RBFOX1: variants seen among roughly 807,000 people sequenced by gnomAD.
The protein encoded by RBFOX1 is RNA binding protein fox-1 homolog 1.
In RBFOX1, 8 loss-of-function variants were observed where a neutral mutation model predicts 57.7. The observed-to-expected ratio is 0.14, with a 90% CI of 0.08 to 0.25. The LOEUF is 0.25. Ranked by LOEUF, RBFOX1 falls within the 10% of genes least tolerant of loss-of-function variation. RBFOX1 has a pLI of 1.00. For missense variants in RBFOX1, 611 were observed against 548.5 expected, an observed-to-expected ratio of 1.11 and a Z score of -1.14; for synonymous variants, 326 against 222.4, an observed-to-expected ratio of 1.47 and a Z score of -4.15.
intron 2 of RBFOX1, among the ~76,000 whole-genome samples, chr16:6,422,939 C>G (rs2093816874): frequency 6.6e-6 from 1 of 152,166 alleles, no homozygotes; most frequent in South Asian, 2.1e-4. Context: ...TAGGTTAATT[C>G]ACTTAGATTA....
At chr16:5,943,169 A>C (rs1385769079) in intron 4 of RBFOX1, among the ~76,000 whole-genome samples, 1 of 152,190 alleles carries the variant, frequency 6.6e-6, no homozygotes, top group Non-Finnish European at 1.5e-5. Context: ...CCATATGCCC[A>C]AGCCAGTGCT....
At chr16:6,943,700 T>G (rs1298876727) in intron 3 of RBFOX1, among the ~76,000 whole-genome samples, 3 of 142,272 alleles carry the variant, frequency 2.1e-5, no homozygotes, top group African/African-American at 8.0e-5. Context: ...AGAGTGAGAC[T>G]CTGTCTTTAA....
intron 3 of RBFOX1, among the ~76,000 whole-genome samples, chr16:6,813,961 C>T (rs74474271): frequency 0.054 from 8,286 of 152,206 alleles, 415 homozygotes; most frequent in South Asian, 0.14. Flanking sequence ...CCAGTCCTTG[C>T]TACTAACACT....
intron 4 of RBFOX1, among the ~76,000 whole-genome samples, chr16:5,919,631 A>G (rs2058777331): frequency 1.3e-5 from 2 of 152,168 alleles, no homozygotes; most frequent in South Asian, 2.1e-4. Flanking sequence ...CAAATTTTAT[A>G]TAATATAAAG....
intron 1 of RBFOX1, among the ~76,000 whole-genome samples, chr16:5,267,710 C>A (rs903441421): frequency 6.6e-6 from 1 of 152,186 alleles, no homozygotes; most frequent in African/African-American, 2.4e-5. Context: ...TCCAGAGTTC[C>A]CACTTTCTGT....
At chr16:7,177,244 T>G (rs2081859359) in intron 4 of RBFOX1, among the ~76,000 whole-genome samples, 1 of 152,174 alleles carries the variant, frequency 6.6e-6, no homozygotes, top group Admixed American at 6.5e-5. Flanking sequence ...GCTCCTTATC[T>G]AGCTTGATTG....
At chr16:6,101,685 G>C (rs1022751336) in intron 1 of RBFOX1, among the ~76,000 whole-genome samples, 1 of 152,140 alleles carries the variant, frequency 6.6e-6, no homozygotes, top group Non-Finnish European at 1.5e-5. Flanking sequence ...AATTTGGGAA[G>C]CTGAGGTGGG....
At chr16:6,121,617 T>A (rs2096550203) in intron 1 of RBFOX1, among the ~76,000 whole-genome samples, 1 of 152,170 alleles carries the variant, frequency 6.6e-6, no homozygotes, top group African/African-American at 2.4e-5. Context: ...CTCATCCTTC[T>A]GAGGCTCAAC....
chr16:5,834,344 C>T (rs778652290), intron 3 of RBFOX1, among the ~76,000 whole-genome samples: 19 of 152,272 alleles, frequency 1.2e-4, no homozygotes, highest in Middle Eastern at 3.4e-3. Flanking sequence ...TAAGTGAGAA[C>T]ATGAGGTATT....
At chr16:6,431,173 C>G (rs1282035159) in intron 2 of RBFOX1, among the ~76,000 whole-genome samples, 1 of 151,520 alleles carries the variant, frequency 6.6e-6, no homozygotes, top group Non-Finnish European at 1.5e-5. Context: ...CTGCAATGGT[C>G]TAGGTGGGGA....
At chr16:5,362,881 A>G (rs1052523646) in intron 1 of RBFOX1, among the ~76,000 whole-genome samples, 4 of 152,092 alleles carry the variant, frequency 2.6e-5, no homozygotes, top group African/African-American at 7.2e-5. Flanking sequence ...TTTTCAAGCT[A>G]AATAATGTTC....
At chr16:5,848,796 A>C (rs2151860325) in intron 3 of RBFOX1, among the ~76,000 whole-genome samples, 1 of 152,154 alleles carries the variant, frequency 6.6e-6, no homozygotes, top group East Asian at 1.9e-4. Context: ...AAAAAATACA[A>C]AAATTAGCTG....
At chr16:6,277,919 C>G (rs957142096) in intron 1 of RBFOX1, among the ~76,000 whole-genome samples, 1 of 152,106 alleles carries the variant, frequency 6.6e-6, no homozygotes, top group Non-Finnish European at 1.5e-5. Flanking sequence ...CTCGTGTAAG[C>G]TGTCTTTCAC....
intron 3 of RBFOX1, among the ~76,000 whole-genome samples, chr16:5,685,459 G>C (rs890345228): frequency 6.6e-6 from 1 of 152,178 alleles, no homozygotes; most frequent in African/African-American, 2.4e-5. Context: ...TGCCTTACTT[G>C]ATTTTGACAT....
intron 4 of RBFOX1, among the ~76,000 whole-genome samples, chr16:5,908,786 C>T (rs1356334757): frequency 6.6e-6 from 1 of 152,030 alleles, no homozygotes; most frequent in Non-Finnish European, 1.5e-5. Context: ...AAACTTAATT[C>T]CTGATGTGAG....
At chr16:7,571,686 C>T (rs1602144980) in intron 5 of RBFOX1, among the ~76,000 whole-genome samples, 1 of 152,124 alleles carries the variant, frequency 6.6e-6, no homozygotes. Flanking sequence ...GCATTGTGGT[C>T]CTAATGAGCT....
At chr16:6,695,688 T>C (rs958021939) in intron 3 of RBFOX1, among the ~76,000 whole-genome samples, 6 of 152,212 alleles carry the variant, frequency 3.9e-5, no homozygotes, top group Admixed American at 1.3e-4. Context: ...TCCATAGATA[T>C]TTGTCAAGAA....
At chr16:5,686,635 G>A (rs1326169893) in intron 3 of RBFOX1, among the ~76,000 whole-genome samples, 1 of 152,032 alleles carries the variant, frequency 6.6e-6, no homozygotes, top group Non-Finnish European at 1.5e-5. Context: ...CATATGAATT[G>A]ATTTCTCTCT....
intron 1 of RBFOX1, among the ~76,000 whole-genome samples, chr16:6,046,720 C>G (rs979233635): frequency 1.3e-5 from 2 of 152,088 alleles, no homozygotes; most frequent in South Asian, 2.1e-4. Flanking sequence ...GGTAACCTTG[C>G]AGAGATTTCA....
Sources: allele counts gnomAD v4.1 joint callset (sites outside exome capture counted in the v4.1 genomes callset), GRCh38; gene constraint gnomAD v4.1.1; transcripts MANE v1.5; gene names NCBI Gene and HGNC (gene_info 2026-07-23, HGNC 2026-07-21).